ZNF133: variants seen among roughly 807,000 people sequenced by gnomAD.
ZNF133 encodes the protein zinc finger protein 133, also known as zinc finger protein 133 (clone pHZ-13).
ZNF133 carries 26 observed loss-of-function variants against 54.9 expected under a neutral mutation model. The ratio of observed to expected loss-of-function variants is 0.47; its 90% CI spans 0.35 to 0.66. The LOEUF (loss-of-function observed/expected upper bound fraction) is 0.66, where lower values mean the gene tolerates loss of function less well. Among genes scored for constraint, ZNF133 ranks in the 30% least tolerant of loss-of-function variants. The pLI is 0.01. For missense variants in ZNF133, 653 were observed against 820.8 expected (o/e 0.80, Z 2.50); for synonymous variants, 298 against 320.3 (o/e 0.93, Z 0.74).
In ZNF133 at chr20:18,315,509, G is replaced by A. The variant is rs1331346648; in HGVS notation, c.658G>A (p.Gly220Arg). 6.2e-7 allele frequency: 1 copy of A among 1,614,198 alleles called. No individual in the cohort carries two copies. The highest frequency in any genetic ancestry group is 8.5e-7 in the Non-Finnish European group (1 of 1,180,042). Residue 220 changes from glycine (G) to arginine (R), a missense_variant, in exon 7 of 7, where the codon GGA (glycine) becomes AGA (arginine). Physicochemically the swap from Gly to Arg is moderately radical, Grantham distance 125. This residue lies in a region of ZNF133 where 292 missense variants were observed against 431.6 expected (regional missense o/e 0.68). Transcript: ENST00000425686. Reference protein sequence around the residue: ...GFGTVNCGECGLSFSKMTNLL... With the variant: ...GFGTVNCGECRLSFSKMTNLL... ...TGGAACAGTCAACTGTGGAGAGTGT[G>A]GACTGAGCTTCAGCAAGATGACAAA...
chr20:18,297,800 GA>G (rs1349894137), intron 1 of ZNF133, among the ~76,000 whole-genome samples, 184 bp from the exon 2 acceptor site: 5 of 152,010 alleles, frequency 3.3e-5, no homozygotes, highest in African/African-American at 1.2e-4. Flanking sequence ...GAAGACCCTG[GA>G]TTACTCTCTC....
intron 1 of ZNF133, among the ~76,000 whole-genome samples, chr20:18,289,478 T>G (rs1159248191): frequency 1.3e-5 from 2 of 152,162 alleles, no homozygotes; most frequent in African/African-American, 2.4e-5. Context: ...CATCTCAGAA[T>G]GGACACAGAG....
At chr20:18,304,030 A>T (rs2044038913) in intron 3 of ZNF133, among the ~76,000 whole-genome samples, 1 of 152,212 alleles carries the variant, frequency 6.6e-6, no homozygotes, top group Non-Finnish European at 1.5e-5. Flanking sequence ...TAATATTTAG[A>T]ATATATAAAG....
rs560200345 is a variant in ZNF133 at position 18,290,784 on chromosome 20, C to T, written c.-432+2180C>T. ...GCCTTATAACTTGATATAAGCTGGACCTCTGAGTTTTCCTTGCATCCTTGT... is the reference window on the plus strand; with the variant it reads ...GCCTTATAACTTGATATAAGCTGGATCTCTGAGTTTTCCTTGCATCCTTGT... On this transcript the variant is annotated intron_variant, in intron 1 of 6. Transcript: ENST00000425686. Among the ~76,000 whole-genome samples the T allele has an allele frequency of 9.9e-4, 151 of 152,152 alleles. 1 individual carries two copies. Among genetic ancestry groups the T allele is most frequent in the African/African-American group, 3.6e-3 (149 of 41,514 alleles).
At position 18,293,665 on chromosome 20, in the gene ZNF133, TATAA is replaced by T. The variant is rs550735600; in HGVS notation, c.-431-4311_-431-4308del. Among the ~76,000 whole-genome samples, 769 of 152,292 alleles carry T rather than the reference TATAA, an allele frequency of 5.0e-3. 2 individuals are homozygous for T. The highest frequency in any genetic ancestry group is 8.3e-3 in the Admixed American group (127 of 15,302). ...AGGATAAGATATAAATCCATACTGA[TATAA>T]ATAAATAACTGAATATAAATAAATG... On this transcript the variant is annotated intron_variant, in intron 1 of 6. Transcript: ENST00000425686.
chr20:18,313,389 G>T (rs540298553), intron 6 of ZNF133: 1 of 152,168 alleles, frequency 6.6e-6, no homozygotes, highest in African/African-American at 2.4e-5. Flanking sequence ...CAGCAGCTAG[G>T]GCTGTAATAA....
At chr20:18,302,928 G>GA (rs1045354374) in intron 3 of ZNF133, among the ~76,000 whole-genome samples, 3 of 150,240 alleles carry the variant, frequency 2.0e-5, no homozygotes, top group Admixed American at 6.6e-5. Flanking sequence ...GCATCAAAAA[G>GA]AAAAAAATGC....
chr20:18,289,389 C>A (rs987213884), intron 1 of ZNF133, among the ~76,000 whole-genome samples: 1 of 152,112 alleles, frequency 6.6e-6, no homozygotes, highest in Non-Finnish European at 1.5e-5. Context: ...TTTCAAACAG[C>A]CAGAAGTAGA....
intron 1 of ZNF133, among the ~76,000 whole-genome samples, chr20:18,291,419 C>A (rs984608972): frequency 6.6e-6 from 1 of 152,184 alleles, no homozygotes; most frequent in African/African-American, 2.4e-5. Context: ...CTTAATATAT[C>A]CTTTCACACA....
At chr20:18,311,524 T>C (rs1002244193) in intron 6 of ZNF133, among the ~76,000 whole-genome samples, 1 of 152,216 alleles carries the variant, frequency 6.6e-6, no homozygotes, top group East Asian at 1.9e-4. Context: ...AGCTAAATAA[T>C]TGTACATGTT....
chr20:18,313,051 T>G (rs985075986), intron 6 of ZNF133: 3 of 152,154 alleles, frequency 2.0e-5, no homozygotes, highest in African/African-American at 7.2e-5. Context: ...TTTTAAATTT[T>G]AAATTTGTGT....
intron 1 of ZNF133, among the ~76,000 whole-genome samples, chr20:18,291,073 T>TCAAAA (rs144138494): frequency 6.6e-6 from 1 of 152,122 alleles, no homozygotes; most frequent in Non-Finnish European, 1.5e-5. Context: ...AGACTCCACC[T>TCAAAA]CAAAACAAAA....
chr20:18,316,498 C>T lies in ZNF133; in HGVS notation c.1647C>T (p.Pro549=), dbSNP rs770530474. The T allele has an allele frequency of 6.2e-7, 1 of 1,614,208 alleles. No homozygotes were observed. The highest frequency in any genetic ancestry group is 2.2e-5 in the East Asian group (1 of 44,874). The change falls in exon 7 of 7, where the codon CCC becomes CCT. Residue 549 remains proline (P), a synonymous_variant. Transcript: ENST00000425686. ...RHKRKHSREK[P]YMCRQCGLGF... is the part of the protein sequence containing the mutation. ...AGCGGAAGCACTCGAGGGAGAAGCC[C>T]TACATGTGCAGGCAGTGTGGACTGG...
At chr20:18,310,021 G>A in intron 6 of ZNF133, 1 of 769,938 alleles carries the variant, frequency 1.3e-6, no homozygotes, top group Non-Finnish European at 1.7e-6. Flanking sequence ...CCTGACCTTT[G>A]TACATTTACA....
At chr20:18,308,706 A>AAGC (rs1247352834) in intron 6 of ZNF133, among the ~76,000 whole-genome samples, 1 of 152,192 alleles carries the variant, frequency 6.6e-6, no homozygotes, top group Non-Finnish European at 1.5e-5. Context: ...TTTTGCTTTT[A>AAGC]AGCAGCAGCA....
At position 18,288,549 on chromosome 20, in the gene ZNF133, C is replaced by A. The variant is rs2040153217; in HGVS notation, c.-487C>A. The A allele has an allele frequency of 2.5e-6, 1 of 398,688 alleles. No individual in the cohort carries two copies. Among genetic ancestry groups the A allele is most frequent in the Non-Finnish European group, 4.4e-6 (1 of 226,110 alleles). The allele number at this position is 398,688 out of a possible 1,614,324, so 24.7% of individuals were successfully genotyped here. On this transcript the variant is annotated 5_prime_UTR_variant, in exon 1 of 7. In the 5' UTR this introduces an upstream ATG that the reference lacks. Coordinates refer to ENST00000425686, the MANE Select transcript of ZNF133 (RefSeq NM_001352452.2). ...GGGGTAGTGTAGTCCTGGCGCCCCG[C>A]TGGAGGAGCTCCCCAGCTGGTGGCT...
At chr20:18,301,526 T>C (rs897099385) in intron 3 of ZNF133, among the ~76,000 whole-genome samples, 1 of 152,130 alleles carries the variant, frequency 6.6e-6, no homozygotes, top group Non-Finnish European at 1.5e-5. Context: ...TTTAGCTTTA[T>C]TGACTAAGAA....
intron 1 of ZNF133, 70 bp from the exon 2 acceptor site, chr20:18,297,915 C>A: frequency 1.0e-6 from 1 of 1,002,702 alleles, no homozygotes; most frequent in Admixed American, 2.1e-5. Flanking sequence ...GGTTAAAGAG[C>A]AGGCCCTGCT....
rs2047351317 is a variant in ZNF133, at chr20:18,315,924, A to G, written c.1073A>G (p.Asp358Gly). ...HLEEKTIVCS[D>G]CGLGFSDRSN... ...GAGGAGAAGACCATCGTGTGCAGTG[A>G]CTGTGGCCTGGGCTTCAGCGACAGG... is the stretch of plus-strand genomic sequence containing the variant. Residue 358 changes from aspartate (D) to glycine (G), a missense_variant, in exon 7 of 7, where the codon GAC becomes GGC. Physicochemically the swap from Asp to Gly is moderately conservative, Grantham distance 94 (BLOSUM62 -1). Around this residue, in one of 4 missense-constraint regions of ZNF133, gnomAD observed 292 missense variants for 431.6 expected, o/e 0.68. Transcript: ENST00000425686. 1 of 1,613,802 alleles carries G rather than the reference A, an allele frequency of 6.2e-7. No homozygotes were observed. The highest frequency in any genetic ancestry group is 1.3e-5 in the African/African-American group (1 of 74,808).
Sources: gnomAD v4.1 joint callset for allele counts (sites outside exome capture counted in the v4.1 genomes callset) on GRCh38, gnomAD v4.1.1 for gene constraint, gnomAD v4.1.1 regional missense constraint, MANE v1.5 for transcripts, NCBI Gene and HGNC (gene_info 2026-07-23, HGNC 2026-07-21) for gene names.